BAZ1A: variants seen among roughly 807,000 people sequenced by gnomAD.
BAZ1A encodes bromodomain adjacent to zinc finger domain 1A.
BAZ1A carries 50 observed loss-of-function variants against 185.2 expected under a neutral mutation model. That is an observed-to-expected ratio of 0.27 (90% CI 0.22 to 0.34). The LOEUF (loss-of-function observed/expected upper bound fraction) is 0.34. Ranked by LOEUF, BAZ1A falls within the 10% of genes least tolerant of loss-of-function variation. BAZ1A has a pLI of 1.00. For missense variants in BAZ1A, 1,356 were observed against 1,839.9 expected, an observed-to-expected ratio of 0.74 and a Z score of 4.81; for synonymous variants, 571 against 615.6, an observed-to-expected ratio of 0.93 and a Z score of 1.07.
At chr14:34,767,192 T>C (rs1878907189) in intron 21 of BAZ1A, among the ~76,000 whole-genome samples, 2 of 152,246 alleles carry the variant, frequency 1.3e-5, no homozygotes, top group Non-Finnish European at 2.9e-5. Context: ...CTAGATTTTA[T>C]GTTAATACAG....
In BAZ1A at chr14:34,874,794, G is replaced by T; in HGVS notation, c.-58-132C>A. On this transcript the variant is annotated intron_variant, in intron 1 of 26. Transcript: ENST00000360310. The surrounding 1 kb of genome is among the most constrained non-coding windows in gnomAD (Gnocchi z 4.7). ...ACGCGCCGCGGCCGCTACCGGAGCC[G>T]AGTTCGTTCCTGCCGCTGCCCGGGT... 2.0e-6 allele frequency: 1 copy of T among 512,218 alleles called. No homozygotes were observed. The highest frequency in any genetic ancestry group is 3.4e-6 in the Non-Finnish European group (1 of 294,136). 31.7% of individuals were successfully genotyped at this position (512,218 alleles called of 1,614,324 possible).
At chr14:34,777,196 A>G (rs540856749) in intron 17 of BAZ1A, among the ~76,000 whole-genome samples, 18 of 152,346 alleles carry the variant, frequency 1.2e-4, no homozygotes, top group Non-Finnish European at 2.5e-4. Context: ...CAGCTATTCA[A>G]TTCCACTCTT....
chr14:34,811,019 A>G lies in BAZ1A; in HGVS notation c.554T>C (p.Ile185Thr). Reference sequence around the variant, plus strand: ...TTTATACTTGAATAGTAAGGGATCAATTGCATCTTTTTTCTTCCTAAAAAG... The same window carrying G: ...TTTATACTTGAATAGTAAGGGATCAGTTGCATCTTTTTTCTTCCTAAAAAG... The part of the protein sequence containing the change: ...SFQNGKKKDA[I>T]DPLLFKYKVQ... The change falls in exon 5 of 27, where the codon ATT (isoleucine) becomes ACT (threonine). Residue 185 changes from isoleucine (I) to threonine (T), a missense_variant. Physicochemically the swap from Ile to Thr is moderately conservative, Grantham distance 89. Transcript: ENST00000360310. 1.9e-6 allele frequency: 3 copies of G among 1,595,436 alleles called. No homozygotes were observed. The highest frequency in any genetic ancestry group is 2.6e-6 in the Non-Finnish European group (3 of 1,168,140).
At chr14:34,792,748 C>A in intron 12 of BAZ1A, 27 bp downstream of exon 12, 2 of 1,607,892 alleles carry the variant, frequency 1.2e-6, no homozygotes, top group Non-Finnish European at 1.7e-6. Context: ...TACTATGGTT[C>A]AATCAGCAAT....
In BAZ1A at chr14:34,795,886, G is replaced by A; in HGVS notation, c.1129-121C>T. 5 of 678,978 alleles carry A rather than the reference G, an allele frequency of 7.4e-6. No individual in the cohort carries two copies. The South Asian group carries it at 7.9e-5, about 11-fold the overall frequency. 42.1% of individuals were successfully genotyped at this position (678,978 alleles called of 1,614,324 possible). A position where few individuals can be genotyped will look rare whatever the true frequency, so the allele number is the denominator to read the frequency against. ...ACCTTACCCCATACCTACTGAAGCA[G>A]TAACTCTGAGGTTAGGACTTAGCAA... On this transcript the variant is annotated intron_variant, in intron 9 of 26. Transcript: ENST00000360310.
At position 34,861,943 on chromosome 14, in the gene BAZ1A, T is replaced by C. The variant is rs545699483; in HGVS notation, c.392+101A>G. 1.2e-3 allele frequency: 1,551 copies of C among 1,319,630 alleles called. 2 individuals are homozygous for C. Among genetic ancestry groups the C allele is most frequent in the Non-Finnish European group, 1.6e-3 (1,471 of 948,914 alleles). The allele number at this position is 1,319,630 out of a possible 1,614,324, so 81.7% of individuals were successfully genotyped here. On this transcript the variant is annotated intron_variant, in intron 3 of 26. Coordinates refer to ENST00000360310, the MANE Select transcript of BAZ1A (RefSeq NM_013448.3). ...GTGGGTTAACAGAATAGCTAGAGCA[T>C]AGTAAAAGGGAAGATTTCCTTAGGT...
In BAZ1A at chr14:34,776,099, G is replaced by A. The variant is rs1225265664; in HGVS notation, c.2653C>T (p.Pro885Ser). Reference sequence around the variant, plus strand: ...CACCACCGATTTGGCTTATGCACTGGTTTTGGCAGCTGCACAGAATGGTCA... The same window carrying A: ...CACCACCGATTTGGCTTATGCACTGATTTTGGCAGCTGCACAGAATGGTCA... The part of the protein sequence containing the change: ...PRDHSVQLPK[P>S]VHKPNRWCFY... The change falls in exon 18 of 27, where the codon CCA becomes TCA. Residue 885 changes from proline (P) to serine (S), a missense_variant. By Grantham distance (74) the Pro-to-Ser change is moderately conservative (BLOSUM62 -1). This residue lies in a region of BAZ1A where 434 missense variants were observed against 561.7 expected (regional missense o/e 0.77). Coordinates refer to ENST00000360310, the MANE Select transcript of BAZ1A (RefSeq NM_013448.3). 6.2e-7 allele frequency: 1 copy of A among 1,614,178 alleles called. No individual in the cohort carries two copies.
chr14:34,778,328 C>A (rs1190970938), intron 17 of BAZ1A, among the ~76,000 whole-genome samples: 2 of 152,186 alleles, frequency 1.3e-5, no homozygotes, highest in African/African-American at 2.4e-5. Context: ...ATAGAAAGAG[C>A]TTGGACCCCT....
intron 25 of BAZ1A, among the ~76,000 whole-genome samples, chr14:34,758,390 A>G (rs1566542649): frequency 1.3e-5 from 2 of 151,738 alleles, no homozygotes; most frequent in Admixed American, 6.6e-5. Flanking sequence ...GACCAGCCTG[A>G]CCAACATGTT....
At chr14:34,790,719 G>C (rs1052697677) in intron 12 of BAZ1A, among the ~76,000 whole-genome samples, 1 of 152,070 alleles carries the variant, frequency 6.6e-6, no homozygotes. Flanking sequence ...TTCAAACAGA[G>C]CATTAAAACT....
At chr14:34,778,334 C>T (rs28690092) in intron 17 of BAZ1A, among the ~76,000 whole-genome samples, 18,979 of 152,174 alleles carry the variant, frequency 0.12, 1,397 homozygotes, top group South Asian at 0.2. Context: ...AGAGCTTGGA[C>T]CCCTGATAAT....
At chr14:34,820,597 A>G (rs1288389293) in intron 4 of BAZ1A, among the ~76,000 whole-genome samples, 1 of 152,182 alleles carries the variant, frequency 6.6e-6, no homozygotes. Flanking sequence ...CCAGTTTATC[A>G]GTTACTTCTT....
chr14:34,785,158 C>G (rs1414251355), intron 14 of BAZ1A, among the ~76,000 whole-genome samples: 3 of 152,164 alleles, frequency 2.0e-5, no homozygotes. Context: ...TCCCAGCCCT[C>G]AAGTTTTAAC....
At chr14:34,843,932 G>A (rs1288488360) in intron 3 of BAZ1A, among the ~76,000 whole-genome samples, 1 of 152,090 alleles carries the variant, frequency 6.6e-6, no homozygotes, top group African/African-American at 2.4e-5. Context: ...ACGGCCGGGC[G>A]CGGTGGCTCA....
intron 9 of BAZ1A, among the ~76,000 whole-genome samples, chr14:34,797,803 G>A (rs1037399066): frequency 6.6e-6 from 1 of 152,200 alleles, no homozygotes; most frequent in Admixed American, 6.5e-5. Flanking sequence ...CATTGGGACT[G>A]GTGCCCATGG....
intron 2 of BAZ1A, 48 bp from the exon 3 acceptor site, chr14:34,862,370 C>A: frequency 6.5e-7 from 1 of 1,544,154 alleles, no homozygotes; most frequent in Non-Finnish European, 8.7e-7. Flanking sequence ...CCTATCATTT[C>A]ACAAATTTTA....
Position 34,763,126 on chromosome 14 carries a change from A to G in BAZ1A, c.3777-903T>C, listed in dbSNP as rs115980449. On this transcript the variant is annotated intron_variant, in intron 23 of 26. Transcript: ENST00000360310. ...TAACTGTCCTTAATTAAAAGAATGC[A>G]ACACCTCCATTAACTCATTATTCCT... Among the ~76,000 whole-genome samples the G allele has an allele frequency of 6.2e-3, 941 of 152,296 alleles. 17 individuals are homozygous for G. The highest frequency in any genetic ancestry group is 0.022 in the African/African-American group (909 of 41,570).
chr14:34,781,511 C>A (rs4270078), intron 16 of BAZ1A, among the ~76,000 whole-genome samples: 22,888 of 146,122 alleles, frequency 0.16, 1,966 homozygotes, highest in Admixed American at 0.29. Flanking sequence ...AACATGTGAT[C>A]TTTTGTCACT....
chr14:34,797,284 G>T (rs1030139638), intron 9 of BAZ1A, among the ~76,000 whole-genome samples: 1 of 152,168 alleles, frequency 6.6e-6, no homozygotes, highest in African/African-American at 2.4e-5. Flanking sequence ...CTCTGGCCAG[G>T]TGCGGTGGCT....
Sources: gnomAD v4.1 joint callset for allele counts (sites outside exome capture counted in the v4.1 genomes callset) on GRCh38, gnomAD v4.1.1 for gene constraint, gnomAD v4.1.1 regional missense constraint, Gnocchi (gnomAD v3.1) non-coding constraint, MANE v1.5 for transcripts, NCBI Gene and HGNC (gene_info 2026-07-23, HGNC 2026-07-21) for gene names.